PALM2AKAP2: variants seen among roughly 807,000 people sequenced by gnomAD.
The protein encoded by PALM2AKAP2 is PALM2 and AKAP2 fusion, also known as PALM2-AKAP2 fusion protein.
Under a neutral mutation model 71.5 loss-of-function variants are expected in PALM2AKAP2, and 37 were observed. The ratio of observed to expected loss-of-function variants is 0.52; its 90% CI spans 0.40 to 0.68. The LOEUF (loss-of-function observed/expected upper bound fraction) is 0.68, where lower values mean the gene tolerates loss of function less well. PALM2AKAP2 is among the 30% of genes least tolerant of loss of function. The pLI, the probability that PALM2AKAP2 is intolerant of heterozygous loss-of-function variation, is 0.00. For missense variants in PALM2AKAP2, 1,224 were observed against 1,191.8 expected, an observed-to-expected ratio of 1.03 and a Z score of -0.40; for synonymous variants, 468 against 478.8, an observed-to-expected ratio of 0.98 and a Z score of 0.29.
rs191859694 is a variant in PALM2AKAP2 at position 110,034,385 on chromosome 9, C to T, written c.582+18346C>T. ...GTTGTTCAGGCTGGCCTCAAACTCC[C>T]GACCTCAGGTGACCTGCTCGCCTCG... On this transcript the variant is annotated intron_variant, in intron 7 of 9. Coordinates refer to the PALM2AKAP2 transcript ENST00000302798. Among the ~76,000 whole-genome samples the T allele has an allele frequency of 2.0e-4, 31 of 152,048 alleles. 2 individuals carry two copies. The highest frequency in any genetic ancestry group is 1.9e-3 in the Admixed American group (29 of 15,278).
At chr9:109,922,303 T>C (rs1284030850) in intron 3 of PALM2AKAP2, among the ~76,000 whole-genome samples, 2 of 151,288 alleles carry the variant, frequency 1.3e-5, no homozygotes, top group Admixed American at 1.3e-4. Context: ...GTGCCTTTAG[T>C]CCCAGCTCCT....
chr9:109,744,401 A>G (rs78121787), intron 1 of PALM2AKAP2, among the ~76,000 whole-genome samples: 6,508 of 152,298 alleles, frequency 0.043, 191 homozygotes, highest in Non-Finnish European at 0.053. Flanking sequence ...TTTTTATGAC[A>G]AAGAGAAAGA....
chr9:109,707,020 A>T (rs1382558831), intron 1 of PALM2AKAP2, among the ~76,000 whole-genome samples: 1 of 152,238 alleles, frequency 6.6e-6, no homozygotes, highest in South Asian at 2.1e-4. Flanking sequence ...TGACTAGTAC[A>T]CTAAGTGAGT....
chr9:109,998,750 G>A (rs996272209), intron 6 of PALM2AKAP2, among the ~76,000 whole-genome samples: 1 of 142,978 alleles, frequency 7.0e-6, no homozygotes, highest in African/African-American at 2.7e-5. Context: ...CTGGGTGACA[G>A]CGAGACCCTG....
In PALM2AKAP2 at chr9:109,750,590, G is replaced by A. The variant is rs544840570; in HGVS notation, c.6-29898G>A. On this transcript the variant is annotated intron_variant, in intron 1 of 6. Coordinates refer to the PALM2AKAP2 transcript ENST00000374531. ...CTAGGACGTGTGTGTGTGTGTGTGT[G>A]TGTGTGTGTGTATGTGTGTGTGTCT... Among the ~76,000 whole-genome samples the A allele has an allele frequency of 2.0e-5, 3 of 151,570 alleles. No individual in the cohort carries two copies. In the East Asian group the frequency reaches 5.8e-4, roughly 29 times the overall value.
chr9:109,706,955 C>A (rs1466428208), intron 1 of PALM2AKAP2, among the ~76,000 whole-genome samples: 1 of 152,062 alleles, frequency 6.6e-6, no homozygotes, highest in Admixed American at 6.6e-5. Flanking sequence ...TAAAAATATT[C>A]TAAATTTAGA....
chr9:109,830,853 C>G (rs1828279846), intron 1 of PALM2AKAP2, among the ~76,000 whole-genome samples: 1 of 152,158 alleles, frequency 6.6e-6, no homozygotes, highest in African/African-American at 2.4e-5. Flanking sequence ...TTGACGAAGT[C>G]TACACTAGAA....
At chr9:109,804,484 AGTT>A (rs1827520636) in intron 1 of PALM2AKAP2, among the ~76,000 whole-genome samples, 2 of 152,222 alleles carry the variant, frequency 1.3e-5, no homozygotes, top group African/African-American at 4.8e-5. Flanking sequence ...CATAGAAGTT[AGTT>A]GTTTTCCCCT....
chr9:109,700,646 G>A (rs1164447051), intron 1 of PALM2AKAP2, among the ~76,000 whole-genome samples: 1 of 152,124 alleles, frequency 6.6e-6, no homozygotes, highest in Non-Finnish European at 1.5e-5. Flanking sequence ...ATTACACTTT[G>A]TTGTCTCACT....
chr9:109,900,819 C>A (rs953842139), intron 3 of PALM2AKAP2, among the ~76,000 whole-genome samples: 2 of 152,224 alleles, frequency 1.3e-5, no homozygotes, highest in East Asian at 1.9e-4. Flanking sequence ...AGAAATATTT[C>A]TTACCACCAA....
chr9:109,940,449 A>C (rs1831332663), intron 6 of PALM2AKAP2, among the ~76,000 whole-genome samples: 1 of 152,208 alleles, frequency 6.6e-6, no homozygotes, highest in African/African-American at 2.4e-5. Flanking sequence ...AACTCAAAAC[A>C]AAGACATTTC....
At chr9:109,716,814 A>G (rs1428994194) in intron 1 of PALM2AKAP2, among the ~76,000 whole-genome samples, 2 of 152,210 alleles carry the variant, frequency 1.3e-5, no homozygotes. Context: ...GTGTACATCT[A>G]GAAAACCAGT....
intron 1 of PALM2AKAP2, among the ~76,000 whole-genome samples, chr9:109,790,844 A>G (rs1024149884): frequency 2.6e-5 from 4 of 152,254 alleles, no homozygotes; most frequent in Non-Finnish European, 5.9e-5. Context: ...TAAGGCTAAT[A>G]TGAGTGATGC....
rs187347388 is a variant in PALM2AKAP2 at position 109,930,329 on chromosome 9, G to A, written c.395-1598G>A. 2.0e-3 allele frequency among the ~76,000 whole-genome samples: 298 copies of A among 152,018 alleles called. 4 individuals carry two copies. Among genetic ancestry groups the A allele is most frequent in the African/African-American group, 6.8e-3 (283 of 41,466 alleles). ...CAACCTCCGCCTCCTGGGTTCAAGCGATCCTCCTGCCTCAGCCCCTCTAGT... is the reference window on the plus strand; with the variant it reads ...CAACCTCCGCCTCCTGGGTTCAAGCAATCCTCCTGCCTCAGCCCCTCTAGT... On this transcript the variant is annotated intron_variant, in intron 5 of 9. Transcript: ENST00000302798.
intron 1 of PALM2AKAP2, among the ~76,000 whole-genome samples, chr9:109,693,928 T>A (rs1251215684): frequency 1.3e-5 from 2 of 152,064 alleles, no homozygotes; most frequent in Non-Finnish European, 2.9e-5. Flanking sequence ...GTGTGTTCTT[T>A]ACCACAACAG....
chr9:110,096,159 G>T (rs1030782160), intron 1 of PALM2AKAP2, among the ~76,000 whole-genome samples: 2 of 152,208 alleles, frequency 1.3e-5, no homozygotes, highest in Non-Finnish European at 2.9e-5. Context: ...CAGGTCCAAA[G>T]GCCTCTGGCT....
chr9:109,689,209 T>TC (rs1564113713), intron 1 of PALM2AKAP2, among the ~76,000 whole-genome samples: 1 of 149,062 alleles, frequency 6.7e-6, no homozygotes, highest in East Asian at 1.9e-4. Context: ...TCTTTTTTTT[T>TC]TTTTTTTTTT....
In PALM2AKAP2 at chr9:109,894,389, C is replaced by T. The variant is rs752267348; in HGVS notation, c.257+13708C>T. On this transcript the variant is annotated intron_variant, in intron 3 of 9. Coordinates refer to the PALM2AKAP2 transcript ENST00000302798. ...GCATCTAAGTTGTCTGAGTGATGTC[C>T]TGCTCAAGTCCATAAGGGACTTGCT... Among the ~76,000 whole-genome samples the T allele has an allele frequency of 1.6e-4, 25 of 152,274 alleles. No homozygotes were observed. The Middle Eastern group carries it at 0.01, about 62-fold the overall frequency.
At chr9:110,035,786 TAG>T (rs200754281) in intron 7 of PALM2AKAP2, among the ~76,000 whole-genome samples, 24,702 of 112,246 alleles carry the variant, frequency 0.22, 6,668 homozygotes, top group African/African-American at 0.45. Context: ...GTAACATATA[TAG>T]GATATGTTGT....
Sources: allele counts gnomAD v4.1 joint callset (sites outside exome capture counted in the v4.1 genomes callset), GRCh38; gene constraint gnomAD v4.1.1; transcripts MANE v1.5; gene names NCBI Gene and HGNC (gene_info 2026-07-23, HGNC 2026-07-21).